The following ULK4 variants were observed in gnomAD, a reference collection of about 807,000 sequenced individuals.
The protein encoded by ULK4 is inactive serine/threonine-protein kinase ULK4.
In ULK4, 133 loss-of-function variants were observed where a neutral mutation model predicts 160.6. The ratio of observed to expected loss-of-function variants is 0.83; its 90% CI spans 0.72 to 0.96. ULK4 has a LOEUF of 0.96. ULK4 is among the 40% of genes least tolerant of loss of function. The pLI is 0.00. For missense variants in ULK4, 1,580 were observed against 1,499.5 expected (o/e 1.05, Z -0.89); for synonymous variants, 534 against 539.8 (o/e 0.99, Z 0.15).
At chr3:41,419,407 C>T (rs1342713282) in intron 34 of ULK4, among the ~76,000 whole-genome samples, 2 of 152,046 alleles carry the variant, frequency 1.3e-5, no homozygotes, top group Non-Finnish European at 2.9e-5. Flanking sequence ...CAGACACTCT[C>T]GTGGAGGTAT....
intron 34 of ULK4, among the ~76,000 whole-genome samples, chr3:41,441,984 C>G (rs1161360891): frequency 1.3e-5 from 2 of 152,162 alleles, no homozygotes; most frequent in African/African-American, 4.8e-5. Flanking sequence ...AATAGCCACT[C>G]CAGCTTTCTT....
chr3:41,844,998 C>T lies in ULK4; in HGVS notation c.1657-9027G>A, dbSNP rs577762972. Among the ~76,000 whole-genome samples the T allele has an allele frequency of 1.8e-3, 266 of 149,726 alleles. 1 individual carries two copies. The highest frequency in any genetic ancestry group is 3.1e-3 in the Non-Finnish European group (210 of 67,630). On this transcript the variant is annotated intron_variant, in intron 17 of 36. Transcript: ENST00000301831. ...TTTTTTTTTTTGAGACGGAGTCTCG[C>T]CCTGTTGCCCAGGCTGGAGTGCAGT...
intron 17 of ULK4, among the ~76,000 whole-genome samples, chr3:41,858,768 G>C (rs545233921): frequency 1.1e-4 from 17 of 151,188 alleles, no homozygotes; most frequent in South Asian, 2.1e-4. Flanking sequence ...GTCTCCCAAA[G>C]TGTCGGGATT....
At chr3:41,666,936 G>T (rs1443749912) in intron 29 of ULK4, among the ~76,000 whole-genome samples, 1 of 151,980 alleles carries the variant, frequency 6.6e-6, no homozygotes, top group Non-Finnish European at 1.5e-5. Context: ...ATGAGTCCAG[G>T]AGTTGAGACC....
At chr3:41,265,685 C>T (rs1026578417) in intron 35 of ULK4, among the ~76,000 whole-genome samples, 1 of 152,118 alleles carries the variant, frequency 6.6e-6, no homozygotes, top group Non-Finnish European at 1.5e-5. Context: ...TTATAATGAC[C>T]GTTTTCAGAA....
At chr3:41,482,836 G>A (rs1263229376) in intron 32 of ULK4, among the ~76,000 whole-genome samples, 1 of 152,066 alleles carries the variant, frequency 6.6e-6, no homozygotes, top group Non-Finnish European at 1.5e-5. Context: ...GCTTTAAATA[G>A]TTTATTGTGT....
chr3:41,644,962 T>C (rs2034412460), intron 30 of ULK4, among the ~76,000 whole-genome samples: 1 of 151,832 alleles, frequency 6.6e-6, no homozygotes, highest in Admixed American at 6.6e-5. Flanking sequence ...TTCTTCTAGA[T>C]TTTCTAGTTT....
intron 22 of ULK4, among the ~76,000 whole-genome samples, chr3:41,728,542 C>G (rs562863531): frequency 3.9e-4 from 60 of 152,098 alleles, no homozygotes; most frequent in Non-Finnish European, 7.9e-4. Flanking sequence ...CAACGCAGAT[C>G]AAATTTGGAG....
chr3:41,659,749 T>C (rs1275896067), intron 30 of ULK4, among the ~76,000 whole-genome samples: 1 of 152,124 alleles, frequency 6.6e-6, no homozygotes, highest in African/African-American at 2.4e-5. Context: ...AAGATATACA[T>C]TCATATGTAC....
chr3:41,524,281 A>AT (rs1306674388), intron 32 of ULK4, among the ~76,000 whole-genome samples: 1 of 152,184 alleles, frequency 6.6e-6, no homozygotes, highest in Non-Finnish European at 1.5e-5. Flanking sequence ...CACTATAGCT[A>AT]TTTTTTAAAT....
intron 35 of ULK4, among the ~76,000 whole-genome samples, chr3:41,387,327 T>G (rs906134520): frequency 6.6e-6 from 1 of 152,150 alleles, no homozygotes; most frequent in African/African-American, 2.4e-5. Context: ...TATAGAATGC[T>G]AGGACTTATT....
At chr3:41,695,518 T>A (rs959349172) in intron 27 of ULK4, among the ~76,000 whole-genome samples, 1 of 152,178 alleles carries the variant, frequency 6.6e-6, no homozygotes, top group Non-Finnish European at 1.5e-5. Flanking sequence ...GAATAGAGTA[T>A]GTCACAAAGA....
At chr3:41,285,304 C>T (rs1462726779) in intron 35 of ULK4, among the ~76,000 whole-genome samples, 1 of 152,196 alleles carries the variant, frequency 6.6e-6, no homozygotes. Flanking sequence ...TTTATAGCAG[C>T]ATAATTTGCA....
At chr3:41,298,364 T>C (rs572380140) in intron 35 of ULK4, among the ~76,000 whole-genome samples, 1 of 152,218 alleles carries the variant, frequency 6.6e-6, no homozygotes, top group African/African-American at 2.4e-5. Flanking sequence ...CACTATTCAA[T>C]TTCAAATTGG....
intron 32 of ULK4, among the ~76,000 whole-genome samples, chr3:41,467,859 G>T (rs1174435150): frequency 6.6e-6 from 1 of 152,170 alleles, no homozygotes; most frequent in African/African-American, 2.4e-5. Flanking sequence ...TACTTTGATG[G>T]GGTGTTGGTT....
At chr3:41,652,670 C>T (rs2034788734) in intron 30 of ULK4, among the ~76,000 whole-genome samples, 2 of 152,182 alleles carry the variant, frequency 1.3e-5, no homozygotes, top group African/African-American at 4.8e-5. Flanking sequence ...GTCAGAATCT[C>T]ATGATGATGG....
chr3:41,505,036 G>A (rs1484185289), intron 32 of ULK4, among the ~76,000 whole-genome samples: 3 of 152,134 alleles, frequency 2.0e-5, no homozygotes, highest in Non-Finnish European at 4.4e-5. Flanking sequence ...CGGTCACACT[G>A]CTATTATGCA....
chr3:41,483,475 A>G (rs185732449), intron 32 of ULK4, among the ~76,000 whole-genome samples: 1 of 152,186 alleles, frequency 6.6e-6, no homozygotes, highest in Admixed American at 6.6e-5. Flanking sequence ...TTTTGGTCAG[A>G]TTGATATTCA....
intron 20 of ULK4, among the ~76,000 whole-genome samples, chr3:41,795,457 C>A (rs138958968): frequency 2.1e-3 from 317 of 152,138 alleles, no homozygotes; most frequent in Non-Finnish European, 3.4e-3. Context: ...TTAATCTTTG[C>A]AAGAAAAATC....
Sources: gnomAD v4.1 joint callset for allele counts (sites outside exome capture counted in the v4.1 genomes callset) on GRCh38, gnomAD v4.1.1 for gene constraint, MANE v1.5 for transcripts, NCBI Gene and HGNC (gene_info 2026-07-23, HGNC 2026-07-21) for gene names.